WDR27: variants seen among roughly 807,000 people sequenced by gnomAD.
WDR27 encodes WD repeat-containing protein 27.
WDR27 carries 100 observed loss-of-function variants against 114.4 expected under a neutral mutation model. The ratio of observed to expected loss-of-function variants is 0.87; its 90% CI spans 0.74 to 1.03. The LOEUF (loss-of-function observed/expected upper bound fraction) is 1.03, where lower values mean the gene tolerates loss of function less well. Ranked by LOEUF, WDR27 falls within the 50% of genes least tolerant of loss-of-function variation. The pLI, the probability that WDR27 is intolerant of heterozygous loss-of-function variation, is 0.00. For missense variants in WDR27, 1,129 were observed against 1,092.9 expected, an observed-to-expected ratio of 1.03 and a Z score of -0.47; for synonymous variants, 449 against 423.1, an observed-to-expected ratio of 1.06 and a Z score of -0.75.
At chr6:169,533,934 T>A (rs1795918413) in intron 25 of WDR27, among the ~76,000 whole-genome samples, 1 of 152,130 alleles carries the variant, frequency 6.6e-6, no homozygotes, top group Admixed American at 6.6e-5. Context: ...AATACAATGA[T>A]GAACAGAAGT....
chr6:169,443,068 C>G, the WDR27 span, among the ~76,000 whole-genome samples: 1 of 152,182 alleles, frequency 6.6e-6, no homozygotes, highest in Non-Finnish European at 1.5e-5. Flanking sequence ...GAGTGAAGAC[C>G]TATGACACAA....
chr6:169,677,046 A>C (rs1780244395), intron 2 of WDR27, among the ~76,000 whole-genome samples: 1 of 152,220 alleles, frequency 6.6e-6, no homozygotes, highest in African/African-American at 2.4e-5. Context: ...ATTGGTACCA[A>C]GAAGTGGGGC....
At chr6:169,567,655 G>A (rs552374905) in intron 25 of WDR27, among the ~76,000 whole-genome samples, 71 of 152,226 alleles carry the variant, frequency 4.7e-4, no homozygotes, top group African/African-American at 1.6e-3. Context: ...CCTGTGCCAC[G>A]CTCTGAAACA....
intron 25 of WDR27, among the ~76,000 whole-genome samples, chr6:169,491,508 TATAAG>T (rs1789755618): frequency 6.6e-6 from 1 of 151,858 alleles, no homozygotes; most frequent in Non-Finnish European, 1.5e-5. Flanking sequence ...ATATATAAAA[TATAAG>T]AGAAGAAATA....
chr6:169,631,615 T>C (rs1816394151), intron 21 of WDR27, among the ~76,000 whole-genome samples: 1 of 152,146 alleles, frequency 6.6e-6, no homozygotes, highest in Non-Finnish European at 1.5e-5. Context: ...TCCCTGGATC[T>C]GCCTCTCTGA....
chr6:169,481,608 G>C (rs1788116397), intron 25 of WDR27, among the ~76,000 whole-genome samples: 1 of 152,178 alleles, frequency 6.6e-6, no homozygotes, highest in South Asian at 2.1e-4. Context: ...GAACCAACTA[G>C]AAGGAACGAA....
intron 1 of WDR27, among the ~76,000 whole-genome samples, chr6:169,690,504 A>C (rs76082912): frequency 3.0e-3 from 450 of 152,194 alleles, no homozygotes; most frequent in African/African-American, 9.2e-3. Context: ...CCCATTCTCC[A>C]GGTCTCAGCA....
chr6:169,526,527 C>T (rs1251383759), intron 25 of WDR27, among the ~76,000 whole-genome samples: 3 of 152,026 alleles, frequency 2.0e-5, no homozygotes, highest in African/African-American at 2.4e-5. Flanking sequence ...GCAGGAGAAT[C>T]GCTTAAACCT....
At chr6:169,690,374 C>T (rs1012310482) in intron 1 of WDR27, among the ~76,000 whole-genome samples, 1 of 152,248 alleles carries the variant, frequency 6.6e-6, no homozygotes, top group Non-Finnish European at 1.5e-5. Context: ...CCTCCCTCCA[C>T]TGCTACTCTA....
chr6:169,652,024 T>G lies in WDR27; in HGVS notation c.1403-16A>C. 6.2e-7 allele frequency: 1 copy of G among 1,612,468 alleles called. No homozygotes were observed. The highest frequency in any genetic ancestry group is 8.5e-7 in the Non-Finnish European group (1 of 1,179,368). On this transcript the variant is annotated splice_polypyrimidine_tract_variant and intron_variant, in intron 13 of 25. Transcript: ENST00000448612. ...TTCCGTGCAGCTGTGGAAAGGCAAT[T>G]TTAAAGAAGAAACAAACACTTAAAA...
chr6:169,505,513 CTAGG>C (rs879753926), intron 25 of WDR27, among the ~76,000 whole-genome samples: 67,211 of 151,296 alleles, frequency 0.44, 18,551 homozygotes, highest in Non-Finnish European at 0.63. Flanking sequence ...GAAATTTGTC[CTAGG>C]TTATCTAACT....
At chr6:169,649,845 C>T (rs1004124249) in intron 14 of WDR27, among the ~76,000 whole-genome samples, 3 of 150,210 alleles carry the variant, frequency 2.0e-5, no homozygotes, top group African/African-American at 7.4e-5. Flanking sequence ...CTCTCTCCAT[C>T]CATCCCCCCC....
chr6:169,630,087 A>G (rs1815957272), intron 21 of WDR27, among the ~76,000 whole-genome samples: 1 of 152,206 alleles, frequency 6.6e-6, no homozygotes, highest in African/African-American at 2.4e-5. Flanking sequence ...AGACTCACAG[A>G]CTTTTAGAAA....
chr6:169,647,951 G>A (rs1821224101), intron 15 of WDR27, 81 bp from the exon 16 acceptor site: 3 of 979,136 alleles, frequency 3.1e-6, no homozygotes, highest in East Asian at 5.6e-5. Flanking sequence ...GAAACGAAGT[G>A]GGCTTCCCCC....
chr6:169,654,723 A>C lies in WDR27; in HGVS notation c.1403-2715T>G, dbSNP rs529850726. On this transcript the variant is annotated intron_variant, in intron 13 of 25. Coordinates refer to ENST00000448612, the MANE Select transcript of WDR27 (RefSeq NM_182552.5). ...AGGAGGAGGCGCGCACAGGAGAAGG[A>C]GGCGCGCACAGGAGGAGGCGCGCAC... Among the ~76,000 whole-genome samples, 329 of 150,110 alleles carry C rather than the reference A, an allele frequency of 2.2e-3. 1 individual carries two copies. Among genetic ancestry groups the C allele is most frequent in the African/African-American group, 7.2e-3 (291 of 40,258 alleles).
intron 22 of WDR27, among the ~76,000 whole-genome samples, chr6:169,611,679 C>A (rs1810571960): frequency 6.6e-6 from 1 of 152,138 alleles, no homozygotes; most frequent in South Asian, 2.1e-4. Context: ...CTTTTTCTTA[C>A]TTTTAAAACA....
the WDR27 span, among the ~76,000 whole-genome samples, chr6:169,449,808 G>GT: frequency 6.6e-6 from 1 of 152,150 alleles, no homozygotes; most frequent in Non-Finnish European, 1.5e-5. Context: ...ACACCAAAGC[G>GT]TATGTCCATA....
intron 22 of WDR27, among the ~76,000 whole-genome samples, chr6:169,611,798 C>T (rs936862854): frequency 6.6e-6 from 1 of 152,156 alleles, no homozygotes; most frequent in African/African-American, 2.4e-5. Context: ...ACTGGAAGGT[C>T]TTCAGGGGCA....
At chr6:169,452,442 G>A (rs1784187286), downstream of WDR27, among the ~76,000 whole-genome samples, 1 of 152,276 alleles carries the variant, frequency 6.6e-6, no homozygotes, top group Non-Finnish European at 1.5e-5. Context: ...GGATCACCCT[G>A]TGAAGAAACG....
Sources: allele counts gnomAD v4.1 joint callset (sites outside exome capture counted in the v4.1 genomes callset), GRCh38; gene constraint gnomAD v4.1.1; transcripts MANE v1.5; gene names NCBI Gene and HGNC (gene_info 2026-07-23, HGNC 2026-07-21).